The following SFRP2 variants were observed in gnomAD, a reference collection of about 807,000 sequenced individuals.
SFRP2 encodes secreted frizzled-related protein 2.
A neutral mutation model predicts 26.0 loss-of-function variants in SFRP2; 16 were observed. The observed-to-expected ratio is 0.61, with a 90% CI of 0.42 to 0.93. The LOEUF (loss-of-function observed/expected upper bound fraction) is 0.93, where lower values mean the gene tolerates loss of function less well. SFRP2 is among the 40% of genes least tolerant of loss of function. The pLI is 0.00. For missense variants in SFRP2, 343 were observed against 392.4 expected (o/e 0.87, Z 1.06); for synonymous variants, 173 against 167.3 (o/e 1.03, Z -0.26).
intron 1 of SFRP2, 90 bp from the exon 2 acceptor site, chr4:153,786,034 C>A: frequency 3.1e-6 from 2 of 636,854 alleles, no homozygotes; most frequent in South Asian, 2.4e-5. Flanking sequence ...CTTATCCAGA[C>A]AAAAGTAGCA....
At position 153,788,878 on chromosome 4, in the gene SFRP2, G is replaced by A. The variant is rs370947515; in HGVS notation, c.-43C>T. The stretch of plus-strand genomic sequence containing the variant: ...GAGGGGGCAGAGGGAGCGGAGCCGG[G>A]GAAGGGCGAGGCGGCCGGAGTTCGA... On this transcript the variant is annotated 5_prime_UTR_variant, in exon 1 of 3. Coordinates refer to ENST00000274063, the MANE Select transcript of SFRP2 (RefSeq NM_003013.3). 28 of 1,507,786 alleles carry A rather than the reference G, an allele frequency of 1.9e-5. No individual in the cohort carries two copies. The East Asian group carries it at 6.3e-4, about 34-fold the overall frequency. 93.4% of individuals were successfully genotyped at this position (1,507,786 alleles called of 1,614,324 possible).
Position 153,788,624 on chromosome 4 carries a change from T to G in SFRP2, c.212A>C (p.Glu71Ala). ...PNLLGHETMK[E>A]VLEQAGAWIP... is the part of the protein sequence containing the mutation. ...CCAAGCGCCGGCCTGCTCCAGCACC[T>G]CCTTCATGGTCTCGTGGCCCAGCAG... Residue 71 changes from glutamate to alanine, a missense_variant, in exon 1 of 3, where the codon GAG becomes GCG. Around this residue, in one of 2 missense-constraint regions of SFRP2, gnomAD observed 251 missense variants for 253.3 expected, o/e 0.99. Transcript: ENST00000274063. The G allele has an allele frequency of 1.2e-6, 2 of 1,614,134 alleles. No individual in the cohort carries two copies. Among genetic ancestry groups the G allele is most frequent in the South Asian group, 2.2e-5 (2 of 91,072 alleles).
chr4:153,786,480 G>A (rs1391671060), intron 1 of SFRP2, among the ~76,000 whole-genome samples: 1 of 152,120 alleles, frequency 6.6e-6, no homozygotes, highest in Non-Finnish European at 1.5e-5. Context: ...TCTCAGGGGG[G>A]CCAAGTCTGG....
rs1741115286 is a variant in SFRP2 at position 153,781,256 on chromosome 4, A to C, written c.*195T>G. 3 of 562,132 alleles carry C rather than the reference A, an allele frequency of 5.3e-6. No homozygotes were observed. Among genetic ancestry groups the C allele is most frequent in the Non-Finnish European group, 9.5e-6 (3 of 316,890 alleles). 34.8% of individuals were successfully genotyped at this position (562,132 alleles called of 1,614,324 possible). On this transcript the variant is annotated 3_prime_UTR_variant, in exon 3 of 3. Coordinates refer to ENST00000274063, the MANE Select transcript of SFRP2 (RefSeq NM_003013.3). ...CGGGTGGGCTTTTCCTTTAGGTGAAAACAGCTATCCACTCCTGTGGCCTTA... is the reference window on the plus strand; with the variant it reads ...CGGGTGGGCTTTTCCTTTAGGTGAACACAGCTATCCACTCCTGTGGCCTTA...
intron 2 of SFRP2, among the ~76,000 whole-genome samples, chr4:153,784,108 G>T (rs1190400496): frequency 6.6e-6 from 1 of 152,190 alleles, no homozygotes; most frequent in Non-Finnish European, 1.5e-5. Flanking sequence ...GTTTCCCAAA[G>T]CCAATTGTTA....
At chr4:153,787,380 A>G (rs939166413) in intron 1 of SFRP2, among the ~76,000 whole-genome samples, 3 of 152,234 alleles carry the variant, frequency 2.0e-5, no homozygotes, top group African/African-American at 7.2e-5. Context: ...TGCTTTAACT[A>G]ATGATGTCTG....
At chr4:153,782,747 ACCT>A (rs1416935302) in intron 2 of SFRP2, among the ~76,000 whole-genome samples, 1 of 152,082 alleles carries the variant, frequency 6.6e-6, no homozygotes, top group Non-Finnish European at 1.5e-5. Flanking sequence ...CAGTTGCCAA[ACCT>A]CCTCCTGTAA....
chr4:153,788,853 G>T lies in SFRP2; in HGVS notation c.-18C>A, dbSNP rs114535404. On this transcript the variant is annotated 5_prime_UTR_variant, in exon 1 of 3. Coordinates refer to ENST00000274063, the MANE Select transcript of SFRP2 (RefSeq NM_003013.3). ...TGCAGCATCGTGGGCGCGCGACCCCGAGGGGGCAGAGGGAGCGGAGCCGGG... is the reference window on the plus strand; with the variant it reads ...TGCAGCATCGTGGGCGCGCGACCCCTAGGGGGCAGAGGGAGCGGAGCCGGG... 6.4e-7 allele frequency: 1 copy of T among 1,559,806 alleles called. No homozygotes were observed. The highest frequency in any genetic ancestry group is 1.8e-5 in the Admixed American group (1 of 54,734).
rs1391282818 is a variant in SFRP2 at position 153,788,600 on chromosome 4, C to T, written c.236G>A (p.Trp79Ter). ...MKEVLEQAGA[W>*]IPLVMKQCHP... ...GCACTGCTTCATGACCAGCGGGATC[C>T]AAGCGCCGGCCTGCTCCAGCACCTC... The change falls in exon 1 of 3, where the codon TGG becomes TAG. Residue 79 changes from tryptophan to a stop codon, truncating the protein, a stop_gained. Coordinates refer to ENST00000274063, the MANE Select transcript of SFRP2 (RefSeq NM_003013.3). LOFTEE classifies it high-confidence loss of function. The T allele has an allele frequency of 6.2e-7, 1 of 1,614,048 alleles. No homozygotes were observed. Among genetic ancestry groups the T allele is most frequent in the African/African-American group, 1.3e-5 (1 of 74,932 alleles).
Position 153,785,156 on chromosome 4 carries a change from T to G in SFRP2, c.583+708A>C, listed in dbSNP as rs1560810778. On this transcript the variant is annotated intron_variant, in intron 2 of 2. Transcript: ENST00000274063. ...ATCTTGCTAAAGTAAATTTCTAAGC[T>G]TTTTTTTTCCTTTTTAAAACTATTT... 3.3e-5 allele frequency among the ~76,000 whole-genome samples: 5 copies of G among 151,368 alleles called. No individual in the cohort carries two copies. In the East Asian group the frequency reaches 7.8e-4, roughly 23 times the overall value.
chr4:153,787,560 T>A (rs528367042), intron 1 of SFRP2, among the ~76,000 whole-genome samples: 2 of 152,360 alleles, frequency 1.3e-5, no homozygotes, highest in South Asian at 4.1e-4. Context: ...TTGATGGTTT[T>A]TGCACAGGAA....
intron 2 of SFRP2, among the ~76,000 whole-genome samples, chr4:153,782,127 G>T (rs1176575569): frequency 6.6e-6 from 1 of 152,194 alleles, no homozygotes; most frequent in African/African-American, 2.4e-5. Context: ...AGCATGAAAA[G>T]AAATGCCTGA....
At chr4:153,786,080 T>A in intron 1 of SFRP2, 136 bp from the exon 2 acceptor site, 2 of 476,654 alleles carry the variant, frequency 4.2e-6, no homozygotes, top group East Asian at 4.1e-5. Context: ...GCCTCCTCTA[T>A]AAAAGCAGGA....
chr4:153,786,429 A>G (rs1665613648), intron 1 of SFRP2, among the ~76,000 whole-genome samples: 2 of 152,314 alleles, frequency 1.3e-5, no homozygotes, highest in South Asian at 4.1e-4. Flanking sequence ...TCTCAGCCAC[A>G]GGACACCAGT....
rs777418633 is a variant in SFRP2, at chr4:153,781,406, G to A, written c.*45C>T. The A allele has an allele frequency of 6.4e-7, 1 of 1,553,358 alleles. No homozygotes were observed. The highest frequency in any genetic ancestry group is 2.2e-5 in the East Asian group (1 of 44,454). On this transcript the variant is annotated 3_prime_UTR_variant, in exon 3 of 3. Transcript: ENST00000274063. ...TGAGATCCCGGAGCAGAAATGGTCAGCCGTGCTCTGGAGCAGGCCTGTCGG... is the reference window on the plus strand; with the variant it reads ...TGAGATCCCGGAGCAGAAATGGTCAACCGTGCTCTGGAGCAGGCCTGTCGG...
chr4:153,788,276 G>A (rs1359493156), intron 1 of SFRP2, 58 bp downstream of exon 1: 1 of 1,559,808 alleles, frequency 6.4e-7, no homozygotes, highest in African/African-American at 1.3e-5. Flanking sequence ...GCAGGGGCGG[G>A]ATCTCCTGGG....
At position 153,788,890 on chromosome 4, in the gene SFRP2, C is replaced by A; in HGVS notation, c.-55G>T. On this transcript the variant is annotated 5_prime_UTR_variant, in exon 1 of 3. Coordinates refer to ENST00000274063, the MANE Select transcript of SFRP2 (RefSeq NM_003013.3). ...GGAGCGGAGCCGGGGAAGGGCGAGG[C>A]GGCCGGAGTTCGAGCTTGTCCCGGG... The A allele has an allele frequency of 4.7e-6, 7 of 1,485,692 alleles. No homozygotes were observed. The South Asian group carries it at 6.6e-5, about 14-fold the overall frequency. The allele number at this position is 1,485,692 out of a possible 1,614,324, so 92.0% of individuals were successfully genotyped here. A position where few individuals can be genotyped will look rare whatever the true frequency, so the allele number is the denominator to read the frequency against.
rs749150736 is a variant in SFRP2, at chr4:153,788,844, C to A, written c.-9G>T. The A allele has an allele frequency of 2.5e-6, 4 of 1,576,420 alleles. No individual in the cohort carries two copies. The East Asian group carries it at 9.1e-5, about 36-fold the overall frequency. On this transcript the variant is annotated 5_prime_UTR_variant, in exon 1 of 3. Coordinates refer to ENST00000274063, the MANE Select transcript of SFRP2 (RefSeq NM_003013.3). The stretch of plus-strand genomic sequence containing the variant: ...CCAGGGCCCTGCAGCATCGTGGGCG[C>A]GCGACCCCGAGGGGGCAGAGGGAGC...
At chr4:153,781,995 C>T (rs1019855079) in intron 2 of SFRP2, among the ~76,000 whole-genome samples, 11 of 152,182 alleles carry the variant, frequency 7.2e-5, no homozygotes, top group South Asian at 2.1e-4. Context: ...TTTTTCAAAA[C>T]TCTCTCTTTG....
Sources: gnomAD v4.1 joint callset for allele counts (sites outside exome capture counted in the v4.1 genomes callset) on GRCh38, gnomAD v4.1.1 for gene constraint, gnomAD v4.1.1 regional missense constraint, MANE v1.5 for transcripts, NCBI Gene and HGNC (gene_info 2026-07-23, HGNC 2026-07-21) for gene names.